The following OVCH1 variants were observed in gnomAD, a reference collection of about 807,000 sequenced individuals.
OVCH1 encodes ovochymase-1.
A neutral mutation model predicts 138.4 loss-of-function variants in OVCH1; 139 were observed. That is an observed-to-expected ratio of 1.00 (90% CI 0.87 to 1.16). The LOEUF (loss-of-function observed/expected upper bound fraction) is 1.16. Among genes scored for constraint, OVCH1 ranks in the 50% most tolerant of loss-of-function variants. OVCH1 has a pLI of 0.00. For missense variants in OVCH1, 1,367 were observed against 1,357.9 expected, an observed-to-expected ratio of 1.01 and a Z score of -0.11; for synonymous variants, 453 against 467.8, an observed-to-expected ratio of 0.97 and a Z score of 0.41.
chr12:29,492,962 G>C (rs1943311946), intron 4 of OVCH1, among the ~76,000 whole-genome samples: 1 of 152,160 alleles, frequency 6.6e-6, no homozygotes, highest in South Asian at 2.1e-4. Flanking sequence ...TACCCAGAAA[G>C]ATGGGAATTG....
intron 19 of OVCH1, among the ~76,000 whole-genome samples, chr12:29,459,154 A>G (rs568020638): frequency 1.3e-5 from 2 of 152,356 alleles, no homozygotes; most frequent in South Asian, 4.1e-4. Flanking sequence ...AAGAAAGGAA[A>G]TCAAGATATT....
At chr12:29,439,579 C>T (rs1355379750) in intron 25 of OVCH1, 16 of 1,081,064 alleles carry the variant, frequency 1.5e-5, no homozygotes, top group Non-Finnish European at 2.0e-5. Context: ...ACCTCTCACA[C>T]CAGATGTATG....
exon 6 of OVCH1, chr12:29,489,631 C>T (rs1943219270): frequency 1.2e-6 from 2 of 1,606,720 alleles, no homozygotes; most frequent in Non-Finnish European, 1.7e-6. Context: ...TGGCAGGCGT[C>T]CATTCCCCAA....
chr12:29,461,475 C>G (rs900694626), intron 19 of OVCH1, among the ~76,000 whole-genome samples: 1 of 152,124 alleles, frequency 6.6e-6, no homozygotes, highest in African/African-American at 2.4e-5. Flanking sequence ...AACAATAAAA[C>G]TTTTAAGTCA....
Position 29,438,753 on chromosome 12 carries a change from G to A in OVCH1, c.3264+575C>T, listed in dbSNP as rs551232036. Among the ~76,000 whole-genome samples the A allele has an allele frequency of 9.9e-5, 15 of 152,116 alleles. No homozygotes were observed. In the South Asian group the frequency reaches 2.9e-3, roughly 30 times the overall value. On this transcript the variant is annotated intron_variant, in intron 26 of 27. Coordinates refer to ENST00000318184, the Ensembl canonical transcript of OVCH1. ...ATATCTTCTACATTTTACTGCTATGGTTTTAAGATTACAATTGCTATATAA... is the reference window on the plus strand; with the variant it reads ...ATATCTTCTACATTTTACTGCTATGATTTTAAGATTACAATTGCTATATAA...
chr12:29,444,043 AAAAGGTG>A, intron 24 of OVCH1, 95 bp downstream of exon 24: 1 of 1,335,988 alleles, frequency 7.5e-7, no homozygotes, highest in East Asian at 2.5e-5. Flanking sequence ...CTTTTTGGAA[AAAAGGTG>A]AAGAATAATG....
intron 27 of OVCH1, among the ~76,000 whole-genome samples, chr12:29,428,251 T>G (rs1941211762): frequency 6.6e-6 from 1 of 152,196 alleles, no homozygotes; most frequent in Admixed American, 6.5e-5. Context: ...CCAGGCCTCC[T>G]TTTGACTGAG....
chr12:29,427,547 G>A (rs1408623504), downstream of OVCH1: 3 of 1,551,042 alleles, frequency 1.9e-6, no homozygotes, highest in Admixed American at 2.0e-5. Context: ...CTCCATGTGA[G>A]GACCCAGTGA....
intron 16 of OVCH1, among the ~76,000 whole-genome samples, chr12:29,471,589 T>A (rs1942509080): frequency 6.6e-6 from 1 of 152,186 alleles, no homozygotes; most frequent in South Asian, 2.1e-4. Context: ...AAATAAGAGA[T>A]CTATTTAAAC....
chr12:29,497,216 C>T (rs1270673031), intron 1 of OVCH1, among the ~76,000 whole-genome samples: 6 of 152,108 alleles, frequency 3.9e-5, no homozygotes, highest in South Asian at 4.1e-4. Context: ...GAGCCGTGAT[C>T]GCATCACTGC....
intron 3 of OVCH1, among the ~76,000 whole-genome samples, chr12:29,416,298 T>G (rs529219047): frequency 5.3e-5 from 8 of 152,204 alleles, no homozygotes; most frequent in African/African-American, 1.4e-4. Context: ...CTTTTTTTTT[T>G]GAACGGAGCA....
chr12:29,472,697 G>T (rs963640444), intron 15 of OVCH1, among the ~76,000 whole-genome samples: 2 of 152,170 alleles, frequency 1.3e-5, no homozygotes, highest in Non-Finnish European at 2.9e-5. Flanking sequence ...ATGCCAGTGT[G>T]AATTTAAAAT....
At chr12:29,493,165 G>A (rs1255020207) in intron 4 of OVCH1, among the ~76,000 whole-genome samples, 1 of 152,092 alleles carries the variant, frequency 6.6e-6, no homozygotes, top group Non-Finnish European at 1.5e-5. Flanking sequence ...GATGTTTTCT[G>A]TAAAGGAAAG....
At chr12:29,488,219 T>C (rs1391596166) in intron 6 of OVCH1, among the ~76,000 whole-genome samples, 5 of 152,254 alleles carry the variant, frequency 3.3e-5, no homozygotes, top group Non-Finnish European at 5.9e-5. Flanking sequence ...GTTTCTACTA[T>C]AGCTTGTCAC....
chr12:29,446,232 T>C (rs368808378), intron 22 of OVCH1, among the ~76,000 whole-genome samples: 13 of 152,212 alleles, frequency 8.5e-5, no homozygotes, highest in African/African-American at 3.1e-4. Context: ...CCGTGGTCCA[T>C]AGTAGGTTCT....
At chr12:29,453,405 T>C (rs1285228655) in intron 21 of OVCH1, among the ~76,000 whole-genome samples, 1 of 152,114 alleles carries the variant, frequency 6.6e-6, no homozygotes, top group African/African-American at 2.4e-5. Flanking sequence ...AGCACTGAAG[T>C]TTCCCAGCTC....
At chr12:29,444,023 A>C in intron 24 of OVCH1, 122 bp downstream of exon 24, 4 of 1,114,112 alleles carry the variant, frequency 3.6e-6, no homozygotes, top group Non-Finnish European at 5.0e-6. Flanking sequence ...GGGTTACCTA[A>C]GAGTCTATTC....
chr12:29,466,308 ATC>A, intron 16 of OVCH1, among the ~76,000 whole-genome samples: 1 of 152,310 alleles, frequency 6.6e-6, no homozygotes, highest in South Asian at 2.1e-4. Flanking sequence ...TACTGTATTT[ATC>A]TCAGTACTGT....
intron 4 of OVCH1, among the ~76,000 whole-genome samples, chr12:29,492,504 T>C (rs1223159991): frequency 6.6e-6 from 1 of 152,050 alleles, no homozygotes; most frequent in Non-Finnish European, 1.5e-5. Flanking sequence ...ACTGGGTTAA[T>C]AACAAACATT....
Sources: allele counts gnomAD v4.1 joint callset (sites outside exome capture counted in the v4.1 genomes callset), GRCh38; gene constraint gnomAD v4.1.1; transcripts MANE v1.5; gene names NCBI Gene and HGNC (gene_info 2026-07-23, HGNC 2026-07-21).